Variants in KIF21A observed in about 807,000 individuals in gnomAD.
The protein encoded by KIF21A is kinesin-like protein KIF21A.
Under a neutral mutation model 202.9 loss-of-function variants are expected in KIF21A, and 114 were observed. The ratio of observed to expected loss-of-function variants is 0.56; its 90% confidence interval spans 0.48 to 0.66. The LOEUF (loss-of-function observed/expected upper bound fraction) is 0.66, where lower values mean the gene tolerates loss of function less well. Ranked by LOEUF, KIF21A falls within the 30% of genes least tolerant of loss-of-function variation. KIF21A has a pLI of 0.00. For synonymous variants in KIF21A, 667 were observed against 670.8 expected (o/e 0.99, Z 0.09); for missense variants, 1,677 against 1,994.9 (o/e 0.84, Z 3.04).
rs79861384 is a variant in KIF21A at position 39,311,958 on chromosome 12, G to A, written c.3960-405C>T. 4.8e-5 allele frequency: 9 copies of A among 189,006 alleles called. No homozygotes were observed. In the East Asian group the frequency reaches 1.1e-3, roughly 23 times the overall value. 11.7% of individuals were successfully genotyped at this position (189,006 alleles called of 1,614,324 possible). A position where few individuals can be genotyped will look rare whatever the true frequency, so the allele number is the denominator to read the frequency against. The stretch of plus-strand genomic sequence containing the variant: ...AAACTGGTGTGTAAAGGAACATGCT[G>A]GAGAAAGTGTAATATATATGCCACC... On this transcript the variant is annotated intron_variant, in intron 31 of 37. Transcript: ENST00000361418.
At chr12:39,413,173 T>C (rs954241849) in intron 1 of KIF21A, among the ~76,000 whole-genome samples, 10 of 152,182 alleles carry the variant, frequency 6.6e-5, no homozygotes, top group Non-Finnish European at 1.3e-4. Flanking sequence ...ACTTCTTCTT[T>C]ATAAAAAAAA....
chr12:39,397,275 G>A (rs1176211925), intron 1 of KIF21A, among the ~76,000 whole-genome samples: 1 of 151,860 alleles, frequency 6.6e-6, no homozygotes, highest in South Asian at 2.1e-4. Context: ...TTTTTTATTT[G>A]AAGAACCACA....
At chr12:39,370,331 T>G (rs1156901227) in intron 1 of KIF21A, 70 bp from the exon 2 acceptor site, 1 of 1,168,230 alleles carries the variant, frequency 8.6e-7, no homozygotes, top group Non-Finnish European at 1.3e-6. Flanking sequence ...AAAATAGGAC[T>G]TAAAAACTCT....
At chr12:39,420,868 C>A (rs1197389390) in intron 1 of KIF21A, among the ~76,000 whole-genome samples, 2 of 151,716 alleles carry the variant, frequency 1.3e-5, no homozygotes, top group African/African-American at 4.8e-5. Context: ...ACCCACCCAA[C>A]AAACCAGTTA....
chr12:39,310,233 A>G (rs1943897606), intron 32 of KIF21A, among the ~76,000 whole-genome samples: 1 of 152,116 alleles, frequency 6.6e-6, no homozygotes, highest in Non-Finnish European at 1.5e-5. Flanking sequence ...AAATATAATC[A>G]CAGAACTATT....
chr12:39,303,190 T>G, intron 35 of KIF21A, 55 bp from the exon 36 acceptor site: 1 of 1,466,484 alleles, frequency 6.8e-7, no homozygotes, highest in South Asian at 1.1e-5. Context: ...TAAACACCAA[T>G]ATTTGTACAG....
At chr12:39,441,676 A>AAAAAAAAAAAAAAAAAAAAAAAAAAC (rs1041857523) in intron 1 of KIF21A, among the ~76,000 whole-genome samples, 5 of 137,382 alleles carry the variant, frequency 3.6e-5, no homozygotes, top group African/African-American at 1.1e-4. Context: ...AAAAAAAAAA[A>AAAAAAAAAAAAAAAAAAAAAAAAAAC]AAAACACTTA....
chr12:39,421,017 G>C (rs529815000), intron 1 of KIF21A, among the ~76,000 whole-genome samples: 228 of 152,170 alleles, frequency 1.5e-3, no homozygotes, highest in Non-Finnish European at 2.9e-3. Flanking sequence ...TAGGGTTAAA[G>C]ACACGTGTCA....
At chr12:39,327,396 C>T (rs370197105) in intron 24 of KIF21A, among the ~76,000 whole-genome samples, 1 of 152,132 alleles carries the variant, frequency 6.6e-6, no homozygotes, top group Non-Finnish European at 1.5e-5. Context: ...ATATGTATCT[C>T]ATTAGAGGGA....
intron 1 of KIF21A, among the ~76,000 whole-genome samples, chr12:39,423,228 T>A (rs557503396): frequency 1.3e-5 from 2 of 152,332 alleles, no homozygotes; most frequent in East Asian, 3.9e-4. Flanking sequence ...AGGCTATTTT[T>A]TCTTCTACTA....
At chr12:39,337,300 A>G in intron 16 of KIF21A, 97 bp from the exon 17 acceptor site, 2 of 795,958 alleles carry the variant, frequency 2.5e-6, no homozygotes, top group South Asian at 2.8e-5. Flanking sequence ...AATTCTGAAT[A>G]CTTAACATGG....
intron 7 of KIF21A, 73 bp from the exon 8 acceptor site, chr12:39,358,446 C>T (rs1948961052): frequency 2.2e-6 from 3 of 1,364,130 alleles, no homozygotes; most frequent in Non-Finnish European, 3.1e-6. Context: ...TTTTTAAATT[C>T]CTAACATTTG....
intron 1 of KIF21A, among the ~76,000 whole-genome samples, chr12:39,437,628 T>C (rs2140452310): frequency 6.6e-6 from 1 of 152,324 alleles, no homozygotes; most frequent in Non-Finnish European, 1.5e-5. Flanking sequence ...AATCTAACAA[T>C]TATCTTTCAT....
At chr12:39,336,994 G>A (rs1196771469) in intron 17 of KIF21A, 102 bp downstream of exon 17, 2 of 733,858 alleles carry the variant, frequency 2.7e-6, no homozygotes, top group Admixed American at 2.0e-5. Flanking sequence ...TCCTTAACCT[G>A]CAATTAGTAG....
In KIF21A at chr12:39,337,305, A is replaced by G. The variant is rs1947064438; in HGVS notation, c.2311-102T>C. On this transcript the variant is annotated intron_variant, in intron 16 of 37. Transcript: ENST00000361418. The stretch of plus-strand genomic sequence containing the variant: ...AAGTTCTTAGAATTCTGAATACTTA[A>G]CATGGAAACATGCAGTTTTGCTGCA... The G allele has an allele frequency of 9.2e-6, 7 of 758,278 alleles. No homozygotes were observed. In the South Asian group the frequency reaches 1.0e-4, roughly 11 times the overall value. 47.0% of individuals were successfully genotyped at this position (758,278 alleles called of 1,614,324 possible). A position where few individuals can be genotyped will look rare whatever the true frequency, so the allele number is the denominator to read the frequency against.
In KIF21A at chr12:39,408,832, T is replaced by G. The variant is rs1244525915; in HGVS notation, c.44+34095A>C. The stretch of plus-strand genomic sequence containing the variant: ...CTTTTGTTGGTTTTTTTTTGTTTTT[T>G]TTTTGGAGACAGGGTCCCACTCTGT... On this transcript the variant is annotated intron_variant, in intron 1 of 37. Transcript: ENST00000361418. Among the ~76,000 whole-genome samples the G allele has an allele frequency of 2.6e-5, 4 of 151,600 alleles. No homozygotes were observed. In the South Asian group the frequency reaches 6.2e-4, roughly 24 times the overall value.
At chr12:39,382,759 C>CA (rs1388253436) in intron 1 of KIF21A, among the ~76,000 whole-genome samples, 1 of 150,868 alleles carries the variant, frequency 6.6e-6, no homozygotes, top group Non-Finnish European at 1.5e-5. Flanking sequence ...ACCCCCCTCC[C>CA]AAAAAAACAA....
intron 10 of KIF21A, among the ~76,000 whole-genome samples, chr12:39,353,201 A>G (rs573433721): frequency 7.2e-5 from 11 of 152,230 alleles, no homozygotes; most frequent in African/African-American, 2.2e-4. Flanking sequence ...CTCTTGAAAT[A>G]GTTGAGACAG....
chr12:39,314,461 G>T (rs1256577303), intron 31 of KIF21A, among the ~76,000 whole-genome samples: 1 of 151,794 alleles, frequency 6.6e-6, no homozygotes, highest in African/African-American at 2.4e-5. Flanking sequence ...TATTGAAAAG[G>T]TATGATTCTA....
Sources: allele counts gnomAD v4.1 joint callset (sites outside exome capture counted in the v4.1 genomes callset), GRCh38; gene constraint gnomAD v4.1.1; transcripts MANE v1.5; gene names NCBI Gene and HGNC (gene_info 2026-07-23, HGNC 2026-07-21).